NECAP1: variants seen among roughly 807,000 people sequenced by gnomAD.
NECAP1 encodes the protein NECAP endocytosis associated 1, also known as adaptin ear-binding coat-associated protein 1.
Under a neutral mutation model 33.4 loss-of-function variants are expected in NECAP1, and 13 were observed. The observed-to-expected ratio is 0.39, with a 90% CI of 0.25 to 0.62. NECAP1 has a LOEUF of 0.62. Ranked by LOEUF, NECAP1 falls within the 20% of genes least tolerant of loss-of-function variation. The pLI is 0.52. For missense variants in NECAP1, 272 were observed against 347.4 expected (o/e 0.78, Z 1.73); for synonymous variants, 109 against 125.2 (o/e 0.87, Z 0.86).
chr12:8,092,205 CTT>C (rs1195676217), intron 4 of NECAP1: 1 of 317,700 alleles, frequency 3.1e-6, no homozygotes, highest in Non-Finnish European at 6.0e-6. Context: ...TGTTTTGTGA[CTT>C]TTGCAACATT....
chr12:8,084,460 C>T (rs1482819845), intron 1 of NECAP1, among the ~76,000 whole-genome samples: 2 of 151,882 alleles, frequency 1.3e-5, no homozygotes, highest in African/African-American at 4.8e-5. Context: ...ACTTTAAGTT[C>T]TGGGATACAT....
At chr12:8,083,421 C>CTTTTTTTTTTTTTTTTTTTTTTT (rs71042328) in intron 1 of NECAP1, among the ~76,000 whole-genome samples, 1 of 65,840 alleles carries the variant, frequency 1.5e-5, no homozygotes, top group Non-Finnish European at 2.6e-5. Flanking sequence ...TTTGTTTGTT[C>CTTTTTTTTTTTTTTTTTTTTTTT]TTTTTTTTTT....
In NECAP1 at chr12:8,082,371, A is replaced by T. The variant is rs1591593478; in HGVS notation, c.83A>T (p.Asn28Ile). 2 of 1,613,442 alleles carry T rather than the reference A, an allele frequency of 1.2e-6. No homozygotes were observed. Among genetic ancestry groups the T allele is most frequent in the African/African-American group, 2.7e-5 (2 of 74,862 alleles). The change falls in exon 1 of 8, where the codon AAC becomes ATC. Residue 28 changes from asparagine to isoleucine, a missense_variant. Physicochemically the swap from Asn to Ile is moderately radical, Grantham distance 149 (BLOSUM62 -3). Transcript: ENST00000339754. ...SVYRIPPRAS[N>I]RGYRASDWKL... ...TACCGGATTCCGCCCCGGGCCTCCAACCGCGGTTACAGGTACTAACCCCGA... is the reference window on the plus strand; with the variant it reads ...TACCGGATTCCGCCCCGGGCCTCCATCCGCGGTTACAGGTACTAACCCCGA...
At chr12:8,085,281 G>T (rs757514289) in intron 1 of NECAP1, among the ~76,000 whole-genome samples, 1 of 152,204 alleles carries the variant, frequency 6.6e-6, no homozygotes, top group African/African-American at 2.4e-5. Flanking sequence ...GCCTCCCAAA[G>T]TGCTGGGATT....
chr12:8,096,693 CCAT>C lies in NECAP1; in HGVS notation c.*606_*608del, dbSNP rs1241438440. On this transcript the variant is annotated 3_prime_UTR_variant, in exon 8 of 8. Coordinates refer to ENST00000339754, the MANE Select transcript of NECAP1 (RefSeq NM_015509.4). The stretch of plus-strand genomic sequence containing the variant: ...TGAACATCCAGTGCTGGGTGCAGCT[CCAT>C]CACCCTCTTGTGTGTTTACATGTCT... 5.2e-5 allele frequency: 8 copies of C among 152,678 alleles called. No homozygotes were observed. The highest frequency in any genetic ancestry group is 4.6e-4 in the Admixed American group (7 of 15,262). The allele number at this position is 152,678 out of a possible 1,614,324, so 9.5% of individuals were successfully genotyped here.
intron 4 of NECAP1, chr12:8,092,249 G>A: frequency 3.3e-6 from 1 of 300,890 alleles, no homozygotes; most frequent in Non-Finnish European, 6.3e-6. Context: ...GTGCAGCTGT[G>A]GTTGACAGCA....
At chr12:8,092,258 C>T in intron 4 of NECAP1, 1 of 277,552 alleles carries the variant, frequency 3.6e-6, no homozygotes, top group Non-Finnish European at 6.9e-6. Context: ...TGGTTGACAG[C>T]ACTGTGCACA....
rs962112525 is a variant in NECAP1 at position 8,092,107 on chromosome 12, C to G, written c.383+257C>G. On this transcript the variant is annotated intron_variant, in intron 4 of 7. Coordinates refer to ENST00000339754, the MANE Select transcript of NECAP1 (RefSeq NM_015509.4). ...TGATGCTCTGTCGAATTTGCCCCGT[C>G]TTTTAGGTGGTAGAGGGAGGCCTAT... 11 of 458,814 alleles carry G rather than the reference C, an allele frequency of 2.4e-5. No individual in the cohort carries two copies. In the East Asian group the frequency reaches 4.8e-4, roughly 20 times the overall value. 28.4% of individuals were successfully genotyped at this position (458,814 alleles called of 1,614,324 possible). A position where few individuals can be genotyped will look rare whatever the true frequency, so the allele number is the denominator to read the frequency against.
At chr12:8,092,023 C>G in intron 4 of NECAP1, 173 bp downstream of exon 4, 2 of 614,924 alleles carry the variant, frequency 3.3e-6, no homozygotes, top group East Asian at 2.8e-5. Context: ...TGTATCTATT[C>G]TGTTTCCTTT....
intron 3 of NECAP1, chr12:8,090,674 G>A (rs1260753517): frequency 1.7e-5 from 3 of 174,142 alleles, no homozygotes; most frequent in Admixed American, 1.1e-4. Context: ...CAGGCGTGGT[G>A]GCAGGTGCCT....
Position 8,082,774 on chromosome 12 carries a change from TCACACACACACACA to T in NECAP1, c.95+421_95+434del, listed in dbSNP as rs58270520. The stretch of plus-strand genomic sequence containing the variant: ...CTCATCCTTTCTCTCTCTCTCTCTC[TCACACACACACACA>T]CACACACACACACACACACACACAC... On this transcript the variant is annotated intron_variant, in intron 1 of 7. Coordinates refer to ENST00000339754, the MANE Select transcript of NECAP1 (RefSeq NM_015509.4). The T allele has an allele frequency of 5.6e-4, 79 of 141,714 alleles. 2 individuals are homozygous for T. Among genetic ancestry groups the T allele is most frequent in the African/African-American group, 8.1e-4 (28 of 34,730 alleles). 8.8% of individuals were successfully genotyped at this position (141,714 alleles called of 1,614,324 possible). A position where few individuals can be genotyped will look rare whatever the true frequency, so the allele number is the denominator to read the frequency against.
At chr12:8,086,546 G>A (rs1947491612) in intron 1 of NECAP1, among the ~76,000 whole-genome samples, 1 of 152,044 alleles carries the variant, frequency 6.6e-6, no homozygotes, top group African/African-American at 2.4e-5. Context: ...CCCGGGAGGC[G>A]GAGGTTGCAA....
intron 1 of NECAP1, among the ~76,000 whole-genome samples, chr12:8,088,271 C>T (rs1947510057): frequency 1.3e-5 from 2 of 152,128 alleles, no homozygotes; most frequent in Non-Finnish European, 2.9e-5. Flanking sequence ...ACATCTCAAA[C>T]TCAGCATATT....
intron 3 of NECAP1, 21 bp downstream of exon 3, chr12:8,090,320 A>C: frequency 6.3e-7 from 1 of 1,599,568 alleles, no homozygotes; most frequent in Non-Finnish European, 8.6e-7. Context: ...TGGGATTTTG[A>C]GTGGAACGAA....
intron 7 of NECAP1, 27 bp from the exon 8 acceptor site, chr12:8,096,015 G>A: frequency 6.2e-7 from 1 of 1,613,222 alleles, no homozygotes; most frequent in African/African-American, 1.3e-5. Flanking sequence ...TTATGTCTCT[G>A]GCTTTCTCTG....
In NECAP1 at chr12:8,090,314, A is replaced by C. The variant is rs779900246; in HGVS notation, c.301+15A>C. The stretch of plus-strand genomic sequence containing the variant: ...GGATGGTACTGGTAAGAGAACTGGG[A>C]TTTTGAGTGGAACGAAGTTAGGAAA... On this transcript the variant is annotated intron_variant, in intron 3 of 7. Transcript: ENST00000339754. The C allele has an allele frequency of 1.7e-5, 28 of 1,609,510 alleles. No individual in the cohort carries two copies. In the Admixed American group the frequency reaches 2.2e-4, roughly 12 times the overall value.
rs1947600656 is a variant in NECAP1 at position 8,096,984 on chromosome 12, C to G, written c.*894C>G. Reference sequence around the variant, plus strand: ...AAGGGTTTAGAGTTTTTAACCTGATCTGTAGAGCAGAGAGGTTGAAAGCAC... The same window carrying G: ...AAGGGTTTAGAGTTTTTAACCTGATGTGTAGAGCAGAGAGGTTGAAAGCAC... On this transcript the variant is annotated 3_prime_UTR_variant, in exon 8 of 8. Transcript: ENST00000339754. 1 of 152,632 alleles carries G rather than the reference C, an allele frequency of 6.6e-6. No homozygotes were observed. The highest frequency in any genetic ancestry group is 1.5e-5 in the Non-Finnish European group (1 of 68,040). The allele number at this position is 152,632 out of a possible 1,614,324, so 9.5% of individuals were successfully genotyped here. A position where few individuals can be genotyped will look rare whatever the true frequency, so the allele number is the denominator to read the frequency against.
chr12:8,095,696 G>A lies in NECAP1; in HGVS notation c.772G>A (p.Ala258Thr), dbSNP rs898607958. 27 of 1,610,234 alleles carry A rather than the reference G, an allele frequency of 1.7e-5. No individual in the cohort carries two copies. The highest frequency in any genetic ancestry group is 2.3e-5 in the Non-Finnish European group (27 of 1,176,706). The change falls in exon 7 of 8, where the codon GCC becomes ACC. Residue 258 changes from alanine to threonine, a missense_variant. Ala to Thr is a moderately conservative substitution (Grantham distance 58). Transcript: ENST00000339754. ...TGACTTGTGGGGAGACTTCAGCACT[G>A]CCTCCAGGTAATGGGCATAGTGAAA... ...SNDLWGDFST[A>T]SSSVPNQAPQ...
In NECAP1 at chr12:8,092,870, A is replaced by G; in HGVS notation, c.493-2A>G. 1 of 1,573,668 alleles carries G rather than the reference A, an allele frequency of 6.4e-7. No homozygotes were observed. The highest frequency in any genetic ancestry group is 8.6e-7 in the Non-Finnish European group (1 of 1,160,180). On this transcript the variant is annotated splice_acceptor_variant, in intron 5 of 7. Coordinates refer to ENST00000339754, the MANE Select transcript of NECAP1 (RefSeq NM_015509.4). LOFTEE classifies it high-confidence loss of function. Reference sequence around the variant, plus strand: ...TCTTGCTCTTCTTTTTTTCTTTTGTAGAACATTACAAACAAGAAAGGAGGT... The same window carrying G: ...TCTTGCTCTTCTTTTTTTCTTTTGTGGAACATTACAAACAAGAAAGGAGGT...
Sources: allele counts gnomAD v4.1 joint callset (sites outside exome capture counted in the v4.1 genomes callset), GRCh38; gene constraint gnomAD v4.1.1; transcripts MANE v1.5; gene names NCBI Gene and HGNC (gene_info 2026-07-23, HGNC 2026-07-21).